The following RRM2 variants were observed in gnomAD, a reference collection of about 807,000 sequenced individuals.
The protein encoded by RRM2 is ribonucleotide reductase regulatory subunit M2, also known as ribonucleoside-diphosphate reductase subunit M2.
RRM2 carries 6 observed loss-of-function variants against 45.9 expected under a neutral mutation model. The ratio of observed to expected loss-of-function variants is 0.13; its 90% confidence interval spans 0.07 to 0.26. The LOEUF (loss-of-function observed/expected upper bound fraction) is 0.26. Among genes scored for constraint, RRM2 ranks in the 10% least tolerant of loss-of-function variants. The probability of loss-of-function intolerance (pLI) is 1.00; values close to 1 mark genes in which losing one functional copy is unlikely to be tolerated. For missense variants in RRM2, 343 were observed against 489.5 expected (o/e 0.70, Z 2.82); for synonymous variants, 177 against 173.0 (o/e 1.02, Z -0.18).
intron 3 of RRM2, among the ~76,000 whole-genome samples, chr2:10,190,287 ATGG>A (rs1290783868): frequency 8.4e-5 from 10 of 119,022 alleles, no homozygotes; most frequent in Middle Eastern, 5.8e-3. Flanking sequence ...GGTGGAGGTG[ATGG>A]TGGGGTTGGT....
downstream of RRM2, among the ~76,000 whole-genome samples, chr2:10,134,672 GA>G (rs567861338): frequency 2.6e-5 from 4 of 152,332 alleles, no homozygotes; most frequent in South Asian, 8.3e-4. Flanking sequence ...TAGATTTTCG[GA>G]ATCAGGTAGA....
intron 3 of RRM2, among the ~76,000 whole-genome samples, chr2:10,148,499 C>G (rs1211401169): frequency 6.6e-6 from 1 of 152,192 alleles, no homozygotes; most frequent in Non-Finnish European, 1.5e-5. Context: ...GCCACACTTT[C>G]TTTCCTTGAG....
chr2:10,197,271 C>T (rs1435638744), intron 3 of RRM2, among the ~76,000 whole-genome samples: 5 of 152,228 alleles, frequency 3.3e-5, no homozygotes, highest in African/African-American at 4.8e-5. Context: ...GTAACGCGAG[C>T]GCCTAGGCTG....
At chr2:10,122,667 C>T (rs1047738474), upstream of RRM2, 58 of 1,549,416 alleles carry the variant, frequency 3.7e-5, no homozygotes, top group Non-Finnish European at 4.9e-5. Flanking sequence ...GGCCGGGGCA[C>T]CAAAGCCAAT....
intron 3 of RRM2, among the ~76,000 whole-genome samples, chr2:10,159,217 T>G (rs570958726): frequency 6.6e-6 from 1 of 152,240 alleles, no homozygotes; most frequent in East Asian, 1.9e-4. Context: ...GCCCAAAGGC[T>G]TGAGTAGTTG....
intron 3 of RRM2, among the ~76,000 whole-genome samples, chr2:10,149,003 C>T (rs976806497): frequency 2.6e-5 from 4 of 152,188 alleles, no homozygotes; most frequent in Non-Finnish European, 2.9e-5. Context: ...CTTTCCATTT[C>T]ATCATGACTT....
At chr2:10,174,485 G>T (rs1398971935) in intron 3 of RRM2, among the ~76,000 whole-genome samples, 1 of 152,072 alleles carries the variant, frequency 6.6e-6, no homozygotes, top group South Asian at 2.1e-4. Flanking sequence ...AGCGCCTATG[G>T]GGTGGAGTGA....
intron 3 of RRM2, among the ~76,000 whole-genome samples, chr2:10,202,186 C>T (rs181520702): frequency 6.6e-6 from 1 of 152,300 alleles, no homozygotes; most frequent in Admixed American, 6.5e-5. Context: ...CTAGCCCAAA[C>T]CTTCATTTTT....
At chr2:10,184,592 C>T (rs1370756084) in intron 3 of RRM2, among the ~76,000 whole-genome samples, 1 of 152,266 alleles carries the variant, frequency 6.6e-6, no homozygotes, top group Non-Finnish European at 1.5e-5. Context: ...AGAGGCAGCA[C>T]CCGCCTGGCA....
chr2:10,199,401 C>T (rs1046392704), intron 3 of RRM2: 4 of 151,734 alleles, frequency 2.6e-5, no homozygotes, highest in African/African-American at 9.7e-5. Context: ...AATTGAAAAA[C>T]CTCAGACAAG....
intron 3 of RRM2, among the ~76,000 whole-genome samples, chr2:10,176,031 T>C (rs1363470797): frequency 6.6e-6 from 1 of 152,224 alleles, no homozygotes; most frequent in Admixed American, 6.5e-5. Flanking sequence ...ATCTGTAGCA[T>C]GTCTGAATTT....
At chr2:10,167,224 C>T (rs867912660) in intron 3 of RRM2, among the ~76,000 whole-genome samples, 35 of 152,150 alleles carry the variant, frequency 2.3e-4, no homozygotes, top group Admixed American at 2.2e-3. Context: ...CCATAAGAAG[C>T]GCTCAGTAAA....
chr2:10,133,589 C>A (rs1417315581), downstream of RRM2, among the ~76,000 whole-genome samples: 5 of 152,192 alleles, frequency 3.3e-5, no homozygotes, highest in Non-Finnish European at 7.3e-5. Flanking sequence ...GGCCTGGCCT[C>A]TTCCAGCAGT....
chr2:10,138,548 C>T (rs1470128107), upstream of RRM2, among the ~76,000 whole-genome samples: 2 of 152,054 alleles, frequency 1.3e-5, no homozygotes, highest in African/African-American at 4.8e-5. Flanking sequence ...AGTGATCTGC[C>T]CATATTGGCC....
intron 3 of RRM2, among the ~76,000 whole-genome samples, chr2:10,149,651 A>G (rs951380448): frequency 2.6e-5 from 4 of 152,132 alleles, no homozygotes; most frequent in African/African-American, 7.2e-5. Flanking sequence ...TTTTTCTTCA[A>G]CCATCTATTT....
At chr2:10,203,715 C>T (rs1372696569) in intron 3 of RRM2, among the ~76,000 whole-genome samples, 1 of 152,260 alleles carries the variant, frequency 6.6e-6, no homozygotes, top group South Asian at 2.1e-4. Flanking sequence ...TGTGCCATCG[C>T]ACTCCAGCCT....
At position 10,129,924 on chromosome 2, in the gene RRM2, AT is replaced by A. The variant is rs764106357; in HGVS notation, c.*543del. 3 of 152,652 alleles carry A rather than the reference AT, an allele frequency of 2.0e-5. No individual in the cohort carries two copies. Among genetic ancestry groups the A allele is most frequent in the Non-Finnish European group, 4.4e-5 (3 of 68,182 alleles). The allele number at this position is 152,652 out of a possible 1,614,324, so 9.5% of individuals were successfully genotyped here. On this transcript the variant is annotated 3_prime_UTR_variant, in exon 10 of 10. Coordinates refer to ENST00000304567, the MANE Select transcript of RRM2 (RefSeq NM_001034.4). The surrounding 1 kb of genome is among the most constrained non-coding windows in gnomAD (Gnocchi z 4.8). ...TAAACTTGTGTAGACTAAGCATGTA[AT>A]TTTTAAGTTTTATTTTAATGAATTA...
At chr2:10,206,796 A>T (rs180734888) in intron 3 of RRM2, among the ~76,000 whole-genome samples, 178 of 152,352 alleles carry the variant, frequency 1.2e-3, no homozygotes, top group African/African-American at 3.8e-3. Context: ...CAGAACACCA[A>T]CAACAGATTG....
In RRM2 at chr2:10,204,562, T is replaced by A. The variant is rs909396830; in HGVS notation, n.483-5749T>A. Among the ~76,000 whole-genome samples the A allele has an allele frequency of 6.6e-6, 1 of 152,154 alleles. No individual in the cohort carries two copies. The highest frequency in any genetic ancestry group is 1.5e-5 in the Non-Finnish European group (1 of 68,028). On this transcript the variant is annotated intron_variant and non_coding_transcript_variant, in intron 3 of 3. Coordinates refer to the RRM2 transcript ENST00000381786. This position sits in a 1 kb window ranked among gnomAD's most constrained non-coding sequence, Gnocchi z 4.0. ...CCCTGCTCAGCGCTGTGCCCAGCCCTGGGTGCAGGGAGGTGCGGTTTGCTC... is the reference window on the plus strand; with the variant it reads ...CCCTGCTCAGCGCTGTGCCCAGCCCAGGGTGCAGGGAGGTGCGGTTTGCTC...
Sources: gnomAD v4.1 joint callset for allele counts (sites outside exome capture counted in the v4.1 genomes callset) on GRCh38, gnomAD v4.1.1 for gene constraint, Gnocchi (gnomAD v3.1) non-coding constraint, MANE v1.5 for transcripts, NCBI Gene and HGNC (gene_info 2026-07-23, HGNC 2026-07-21) for gene names.